Variants in HK1 observed in about 807,000 individuals in gnomAD.
The protein encoded by HK1 is hexokinase 1, also known as hexokinase-1.
In HK1, 28 loss-of-function variants were observed where a neutral mutation model predicts 91.6. The observed-to-expected ratio is 0.31, with a 90% CI of 0.23 to 0.42. The LOEUF is 0.42. Ranked by LOEUF, HK1 falls within the 10% of genes least tolerant of loss-of-function variation. The probability of loss-of-function intolerance (pLI) is 1.00; values close to 1 mark genes in which losing one functional copy is unlikely to be tolerated. For synonymous variants in HK1, 430 were observed against 468.1 expected, an observed-to-expected ratio of 0.92 and a Z score of 1.05; for missense variants, 770 against 1,219.8, an observed-to-expected ratio of 0.63 and a Z score of 5.49.
intron 17 of HK1, among the ~76,000 whole-genome samples, chr10:69,400,237 A>G (rs1406670120): frequency 6.6e-6 from 1 of 152,180 alleles, no homozygotes; most frequent in Admixed American, 6.5e-5. Flanking sequence ...GGCCTCCCAA[A>G]GTGCTGGCAT....
intron 5 of HK1, among the ~76,000 whole-genome samples, chr10:69,310,511 C>T (rs927904786): frequency 6.6e-6 from 1 of 151,728 alleles, no homozygotes; most frequent in African/African-American, 2.4e-5. Flanking sequence ...TGACCCATGT[C>T]ATCTTAGAGC....
At chr10:69,313,072 T>C (rs1846453147), upstream of HK1, among the ~76,000 whole-genome samples, 1 of 152,118 alleles carries the variant, frequency 6.6e-6, no homozygotes, top group Admixed American at 6.5e-5. Context: ...GGGGCTTGGA[T>C]GGAGCAAGAG....
intron 2 of HK1, among the ~76,000 whole-genome samples, chr10:69,355,556 G>A (rs1053476933): frequency 1.3e-5 from 2 of 151,820 alleles, no homozygotes; most frequent in East Asian, 1.9e-4. Context: ...TTGGGAGGCC[G>A]AGGCTGGTGG....
upstream of HK1, among the ~76,000 whole-genome samples, chr10:69,311,953 G>A (rs963230613): frequency 1.4e-4 from 22 of 151,848 alleles, 1 homozygote; most frequent in African/African-American, 5.1e-4. Context: ...AGTTCTTTAC[G>A]CCTATGACTT....
At position 69,392,241 on chromosome 10, in the gene HK1, C is replaced by A; in HGVS notation, c.2152C>A (p.Leu718Met). Residue 718 changes from leucine (L) to methionine (M), a missense_variant, in exon 15 of 18, where the codon CTG becomes ATG. Physicochemically the swap from Leu to Met is conservative, Grantham distance 15 (BLOSUM62 2). Transcript: ENST00000359426. The part of the protein sequence containing the change: ...EWGAFGDNGC[L>M]DDIRTHYDRL... ...GGGGGCCTTTGGGGACAACGGGTGT[C>A]TGGATGATATCAGGACACACTACGA... The A allele has an allele frequency of 6.2e-7, 1 of 1,614,164 alleles. No homozygotes were observed. The highest frequency in any genetic ancestry group is 8.5e-7 in the Non-Finnish European group (1 of 1,180,032).
intron 17 of HK1, 133 bp from the exon 18 acceptor site, chr10:69,400,858 A>G (rs1840354110): frequency 1.1e-6 from 1 of 929,894 alleles, no homozygotes; most frequent in Non-Finnish European, 1.8e-6. Flanking sequence ...GTCCTGATAA[A>G]CCCATCACAA....
At chr10:69,383,703 G>C (rs1839501856) in intron 10 of HK1, among the ~76,000 whole-genome samples, 1 of 152,266 alleles carries the variant, frequency 6.6e-6, no homozygotes, top group Non-Finnish European at 1.5e-5. Context: ...CACATGTCCA[G>C]CAGTTGGCTG....
intron 16 of HK1, among the ~76,000 whole-genome samples, chr10:69,396,000 G>A (rs544854636): frequency 5.5e-4 from 83 of 152,266 alleles, no homozygotes; most frequent in African/African-American, 1.7e-3. Flanking sequence ...GGCTGGGCAC[G>A]GTGGCTCATG....
intron 1 of HK1, among the ~76,000 whole-genome samples, chr10:69,326,104 G>C (rs1322687634): frequency 6.6e-6 from 1 of 151,106 alleles, no homozygotes; most frequent in Non-Finnish European, 1.5e-5. Flanking sequence ...AAAGTGTTGG[G>C]ATTACAGACG....
chr10:69,350,039 C>A (rs1848767167), intron 2 of HK1, among the ~76,000 whole-genome samples: 2 of 152,150 alleles, frequency 1.3e-5, no homozygotes, highest in Admixed American at 1.3e-4. Context: ...GCAGGGACGG[C>A]CCCTGCAGCC....
rs1379311779 is a variant in HK1, at chr10:69,380,053, C to G, written c.1223C>G (p.Thr408Ser). 6.2e-7 allele frequency: 1 copy of G among 1,614,118 alleles called. No homozygotes were observed. The highest frequency in any genetic ancestry group is 8.5e-7 in the Non-Finnish European group (1 of 1,179,968). ...AACAAGGGCACACCCAGGCTGCGGACCACGGTTGGTGTCGACGGATCTCTT... is the reference window on the plus strand; with the variant it reads ...AACAAGGGCACACCCAGGCTGCGGAGCACGGTTGGTGTCGACGGATCTCTT... ...RDNKGTPRLR[T>S]TVGVDGSLYK... is the part of the protein sequence containing the mutation. The change falls in exon 9 of 18, where the codon ACC (threonine) becomes AGC (serine). Residue 408 changes from threonine (T) to serine (S), a missense_variant. Physicochemically the swap from Thr to Ser is moderately conservative, Grantham distance 58 (BLOSUM62 1). Coordinates refer to ENST00000359426, the MANE Select transcript of HK1 (RefSeq NM_000188.3). This position sits in a 1 kb window ranked among gnomAD's most constrained non-coding sequence, Gnocchi z 4.0.
chr10:69,296,846 TTACA>T (rs1289269065), intron 4 of HK1, among the ~76,000 whole-genome samples: 1 of 152,134 alleles, frequency 6.6e-6, no homozygotes, highest in African/African-American at 2.4e-5. Flanking sequence ...AGTCCTGTGA[TTACA>T]TTGTTTTCTG....
At position 69,384,744 on chromosome 10, in the gene HK1, G is replaced by C. The variant is rs370119385; in HGVS notation, c.1720-52G>C. On this transcript the variant is annotated intron_variant, in intron 11 of 17. Transcript: ENST00000359426. The stretch of plus-strand genomic sequence containing the variant: ...ATACACACTTTGGTCCATGTGCACT[G>C]ATAAAATTAAAACCACAGAGAGCAC... 1.9e-5 allele frequency: 30 copies of C among 1,613,624 alleles called. No individual in the cohort carries two copies. The African/African-American group carries it at 2.9e-4, about 16-fold the overall frequency.
chr10:69,277,410 A>G (rs572538908), intron 1 of HK1, among the ~76,000 whole-genome samples: 2 of 152,182 alleles, frequency 1.3e-5, no homozygotes, highest in South Asian at 4.1e-4. Flanking sequence ...TCTATTAAAA[A>G]TACAAAAATT....
At chr10:69,398,966 G>A in intron 17 of HK1, 138 bp downstream of exon 17, 1 of 652,198 alleles carries the variant, frequency 1.5e-6, no homozygotes, top group South Asian at 1.8e-5. Context: ...CAGGAGCTGG[G>A]GATTGTCTAG....
At chr10:69,376,843 C>T (rs553469562) in intron 7 of HK1, 91 bp from the exon 8 acceptor site, 25 of 1,513,428 alleles carry the variant, frequency 1.7e-5, no homozygotes, top group African/African-American at 1.4e-4. Context: ...AGGGGTGAGT[C>T]GGGGCTTCCC....
At chr10:69,289,460 AATTTTTTTTTTT>A (rs1845187757) in intron 3 of HK1, among the ~76,000 whole-genome samples, 3 of 93,742 alleles carry the variant, frequency 3.2e-5, no homozygotes, top group Non-Finnish European at 4.2e-5. Flanking sequence ...TAAAAAAAAA[AATTTTTTTTTTT>A]TTTTTTTTTT....
At chr10:69,378,308 T>C (rs1249070134) in intron 8 of HK1, among the ~76,000 whole-genome samples, 7 of 142,152 alleles carry the variant, frequency 4.9e-5, no homozygotes, top group African/African-American at 1.8e-4. Flanking sequence ...AAAGGCTATC[T>C]CAAAAAAAAA....
intron 1 of HK1, among the ~76,000 whole-genome samples, chr10:69,277,561 C>A (rs988481254): frequency 1.3e-5 from 2 of 152,060 alleles, no homozygotes; most frequent in African/African-American, 4.8e-5. Flanking sequence ...GAGTAAGACC[C>A]TGTGTCTAAA....
Sources: allele counts gnomAD v4.1 joint callset (sites outside exome capture counted in the v4.1 genomes callset), GRCh38; gene constraint gnomAD v4.1.1; non-coding constraint Gnocchi (gnomAD v3.1); transcripts MANE v1.5; gene names NCBI Gene and HGNC (gene_info 2026-07-23, HGNC 2026-07-21).